The following CSMD1 variants were observed in gnomAD, a reference collection of about 807,000 sequenced individuals.
CSMD1 encodes the protein CUB and sushi domain-containing protein 1.
A neutral mutation model predicts 417.5 loss-of-function variants in CSMD1; 213 were observed. The ratio of observed to expected loss-of-function variants is 0.51; its 90% CI spans 0.46 to 0.57. The LOEUF (loss-of-function observed/expected upper bound fraction) is 0.57, where lower values mean the gene tolerates loss of function less well. CSMD1 is among the 20% of genes least tolerant of loss of function. The pLI, the probability that CSMD1 is intolerant of heterozygous loss-of-function variation, is 0.00. For synonymous variants in CSMD1, 2,862 were observed against 1,736.8 expected (o/e 1.65, Z -16.11); for missense variants, 6,923 against 4,529.7 (o/e 1.53, Z -15.17).
chr8:4,084,942 G>A (rs753588402), intron 3 of CSMD1, among the ~76,000 whole-genome samples: 24 of 152,242 alleles, frequency 1.6e-4, no homozygotes, highest in Admixed American at 5.9e-4. Context: ...TGGTAATTTG[G>A]GAAAGCACCT....
intron 26 of CSMD1, among the ~76,000 whole-genome samples, chr8:3,260,774 A>G (rs1054801629): frequency 6.6e-6 from 1 of 152,330 alleles, no homozygotes; most frequent in Middle Eastern, 3.4e-3. Context: ...AGCACAATCC[A>G]TAAAAGCCAA....
At chr8:4,978,270 T>C (rs1347048881) in intron 1 of CSMD1, among the ~76,000 whole-genome samples, 1 of 152,020 alleles carries the variant, frequency 6.6e-6, no homozygotes, top group East Asian at 1.9e-4. Flanking sequence ...GACAGGCAGG[T>C]GGAGGTATAG....
chr8:4,069,221 T>A (rs572926602), intron 3 of CSMD1, among the ~76,000 whole-genome samples: 1 of 152,308 alleles, frequency 6.6e-6, no homozygotes, highest in South Asian at 2.1e-4. Flanking sequence ...TGTAAAATTG[T>A]CATACAGATG....
chr8:4,494,279 T>A (rs539279514), intron 2 of CSMD1, among the ~76,000 whole-genome samples: 40 of 152,348 alleles, frequency 2.6e-4, no homozygotes, highest in African/African-American at 9.1e-4. Flanking sequence ...TACTTTCTTC[T>A]TATAACTTTC....
At chr8:3,143,361 A>T (rs1209645280) in intron 40 of CSMD1, among the ~76,000 whole-genome samples, 1 of 152,206 alleles carries the variant, frequency 6.6e-6, no homozygotes, top group African/African-American at 2.4e-5. Flanking sequence ...AATCAACCGC[A>T]CCATAACTCT....
At chr8:3,144,100 T>G (rs1202756490) in intron 40 of CSMD1, among the ~76,000 whole-genome samples, 5 of 152,112 alleles carry the variant, frequency 3.3e-5, no homozygotes, top group Non-Finnish European at 5.9e-5. Context: ...ATGCCTGGGG[T>G]CCGATTTGCC....
chr8:4,788,152 G>T, intron 1 of CSMD1: 3 of 1,599,688 alleles, frequency 1.9e-6, no homozygotes, highest in Non-Finnish European at 2.6e-6. Context: ...CTTGGTCACT[G>T]TGAAAAAATC....
chr8:3,301,063 C>T (rs1312755828), intron 25 of CSMD1, among the ~76,000 whole-genome samples: 3 of 149,986 alleles, frequency 2.0e-5, no homozygotes, highest in East Asian at 2.0e-4. Context: ...ACACAATATA[C>T]ATTGATACGT....
At chr8:4,426,461 C>G (rs1208361176) in intron 2 of CSMD1, among the ~76,000 whole-genome samples, 2 of 147,618 alleles carry the variant, frequency 1.4e-5, no homozygotes, top group Non-Finnish European at 3.0e-5. Context: ...AGTAAACATA[C>G]AGACTACAGT....
chr8:4,511,542 A>C (rs573721414), intron 2 of CSMD1, among the ~76,000 whole-genome samples: 1 of 152,202 alleles, frequency 6.6e-6, no homozygotes, highest in Non-Finnish European at 1.5e-5. Flanking sequence ...CTGAAAGATC[A>C]ATTCTTCTTA....
chr8:3,675,275 C>G (rs1799314622), intron 7 of CSMD1, among the ~76,000 whole-genome samples: 1 of 152,168 alleles, frequency 6.6e-6, no homozygotes, highest in Non-Finnish European at 1.5e-5. Context: ...GTGCCATTCC[C>G]CTGCTCCTGG....
chr8:3,284,425 C>T lies in CSMD1; in HGVS notation c.3951-79G>A, dbSNP rs1243625441. 6.3e-6 allele frequency: 7 copies of T among 1,102,738 alleles called. No individual in the cohort carries two copies. In the East Asian group the frequency reaches 1.5e-4, roughly 23 times the overall value. The allele number at this position is 1,102,738 out of a possible 1,614,324, so 68.3% of individuals were successfully genotyped here. A position where few individuals can be genotyped will look rare whatever the true frequency, so the allele number is the denominator to read the frequency against. On this transcript the variant is annotated intron_variant, in intron 25 of 69. Transcript: ENST00000635120. ...CCCATAGCTGTAAAGTAAGCAAGCTCATTTCGCTTTCACACAACCCCCACC... is the reference window on the plus strand; with the variant it reads ...CCCATAGCTGTAAAGTAAGCAAGCTTATTTCGCTTTCACACAACCCCCACC...
rs547819737 is a variant in CSMD1, at chr8:3,148,608, C to G, written c.6031+2789G>C. Among the ~76,000 whole-genome samples the G allele has an allele frequency of 5.8e-4, 89 of 152,256 alleles. 2 individuals are homozygous for G. The South Asian group carries it at 0.018, about 31-fold the overall frequency. ...AGAAGACGCAGAAATTAAAGAAGGC[C>G]ATGAATACATAGAACTAATTTACTT... On this transcript the variant is annotated intron_variant, in intron 40 of 69. Coordinates refer to ENST00000635120, the MANE Select transcript of CSMD1 (RefSeq NM_033225.6).
chr8:3,988,152 G>C (rs1415354884), intron 5 of CSMD1, among the ~76,000 whole-genome samples: 1 of 152,094 alleles, frequency 6.6e-6, no homozygotes, highest in Non-Finnish European at 1.5e-5. Context: ...GGGCAGTTGG[G>C]CTGGTTCAGA....
intron 3 of CSMD1, among the ~76,000 whole-genome samples, chr8:4,042,254 G>A (rs1797928565): frequency 6.6e-6 from 1 of 152,146 alleles, no homozygotes; most frequent in Non-Finnish European, 1.5e-5. Context: ...CCTAAATACA[G>A]CAATGAAGAA....
chr8:3,344,974 G>A (rs1370184982), intron 22 of CSMD1, among the ~76,000 whole-genome samples: 1 of 152,134 alleles, frequency 6.6e-6, no homozygotes, highest in South Asian at 2.1e-4. Context: ...GACGAGCCGG[G>A]GTCTGACATC....
intron 25 of CSMD1, among the ~76,000 whole-genome samples, chr8:3,293,573 C>A (rs150683397): frequency 6.6e-6 from 1 of 152,074 alleles, no homozygotes; most frequent in Non-Finnish European, 1.5e-5. Flanking sequence ...TCATTTCATT[C>A]ATTTCATCTT....
intron 2 of CSMD1, among the ~76,000 whole-genome samples, chr8:4,550,327 A>ACG (rs1158901906): frequency 1.5e-5 from 2 of 137,930 alleles, no homozygotes; most frequent in East Asian, 2.1e-4. Flanking sequence ...GCATACACAC[A>ACG]CGCACACACA....
intron 1 of CSMD1, among the ~76,000 whole-genome samples, chr8:4,828,162 C>A (rs531760318): frequency 1.1e-3 from 163 of 152,220 alleles, no homozygotes; most frequent in African/African-American, 3.8e-3. Flanking sequence ...ACTTCCATCC[C>A]ACAAATACAG....
Sources: allele counts gnomAD v4.1 joint callset (sites outside exome capture counted in the v4.1 genomes callset), GRCh38; gene constraint gnomAD v4.1.1; transcripts MANE v1.5; gene names NCBI Gene and HGNC (gene_info 2026-07-23, HGNC 2026-07-21).